CADM2: variants seen among roughly 807,000 people sequenced by gnomAD.
The protein encoded by CADM2 is immunoglobulin superfamily member 4D.
Under a neutral mutation model 49.8 loss-of-function variants are expected in CADM2, and 12 were observed. The ratio of observed to expected loss-of-function variants is 0.24; its 90% confidence interval spans 0.15 to 0.39. The LOEUF is 0.39. Among genes scored for constraint, CADM2 ranks in the 10% least tolerant of loss-of-function variants. The pLI is 1.00. For synonymous variants in CADM2, 214 were observed against 175.4 expected (o/e 1.22, Z -1.74); for missense variants, 378 against 492.3 (o/e 0.77, Z 2.20).
Position 85,731,444 on chromosome 3 carries a change from C to T in CADM2, c.88+4896C>T, listed in dbSNP as rs1311178925. Among the ~76,000 whole-genome samples, 3 of 151,912 alleles carry T rather than the reference C, an allele frequency of 2.0e-5. No homozygotes were observed. In the East Asian group the frequency reaches 5.8e-4, roughly 29 times the overall value. ...TGTGACAATTTTATTGGATAAAGCA[C>T]ACAAAAAAGGATTGACATAGGGAAT... On this transcript the variant is annotated intron_variant, in intron 2 of 9. Transcript: ENST00000383699.
chr3:85,068,241 G>A (rs1576154503), intron 1 of CADM2, among the ~76,000 whole-genome samples: 1 of 152,062 alleles, frequency 6.6e-6, no homozygotes, highest in African/African-American at 2.4e-5. Flanking sequence ...CAAAAGTATG[G>A]TAACATTCAT....
At chr3:85,846,051 C>A (rs936553168) in intron 3 of CADM2, among the ~76,000 whole-genome samples, 1 of 152,008 alleles carries the variant, frequency 6.6e-6, no homozygotes, top group African/African-American at 2.4e-5. Flanking sequence ...AAAGCACAGG[C>A]CAATCTTTTC....
intron 1 of CADM2, among the ~76,000 whole-genome samples, chr3:85,508,218 C>T (rs543704552): frequency 1.4e-4 from 21 of 152,208 alleles, no homozygotes; most frequent in Middle Eastern, 6.8e-3. Flanking sequence ...TTTTTATGAC[C>T]TACTATTTCA....
At chr3:85,870,640 A>C (rs148672784) in intron 3 of CADM2, among the ~76,000 whole-genome samples, 1 of 152,180 alleles carries the variant, frequency 6.6e-6, no homozygotes, top group Non-Finnish European at 1.5e-5. Flanking sequence ...TTCTTTATCC[A>C]TTCTACCAAT....
At chr3:85,257,708 G>C (rs946594209) in intron 1 of CADM2, among the ~76,000 whole-genome samples, 2 of 152,084 alleles carry the variant, frequency 1.3e-5, no homozygotes, top group African/African-American at 4.8e-5. Flanking sequence ...GGTACCCGTG[G>C]CTGTCTCTTC....
intron 1 of CADM2, among the ~76,000 whole-genome samples, chr3:85,126,544 A>G (rs1342696248): frequency 6.6e-6 from 1 of 152,124 alleles, no homozygotes; most frequent in Non-Finnish European, 1.5e-5. Flanking sequence ...CTTTTTAAGA[A>G]TGTTTAGCTT....
intron 3 of CADM2, among the ~76,000 whole-genome samples, chr3:85,882,150 C>T (rs1036816512): frequency 6.6e-6 from 1 of 151,162 alleles, no homozygotes; most frequent in Non-Finnish European, 1.5e-5. Flanking sequence ...AGAGACATCC[C>T]CCCGCCCCCA....
At chr3:85,413,169 A>AAAAAAAAAAT (rs2035755696) in intron 1 of CADM2, among the ~76,000 whole-genome samples, 1 of 136,266 alleles carries the variant, frequency 7.3e-6, no homozygotes, top group African/African-American at 2.6e-5. Context: ...AAAAATAATA[A>AAAAAAAAAAT]TAATAATAAT....
intron 2 of CADM2, among the ~76,000 whole-genome samples, chr3:85,738,615 A>T (rs2068246414): frequency 6.6e-6 from 1 of 152,164 alleles, no homozygotes; most frequent in South Asian, 2.1e-4. Flanking sequence ...TTCTTTTATC[A>T]CTATTTCAAT....
At chr3:85,628,133 G>T (rs558449975) in intron 1 of CADM2, among the ~76,000 whole-genome samples, 1 of 151,932 alleles carries the variant, frequency 6.6e-6, no homozygotes, top group Non-Finnish European at 1.5e-5. Flanking sequence ...ATACTGAATC[G>T]TAATGAATGA....
chr3:85,898,128 C>A (rs561904035), intron 5 of CADM2, among the ~76,000 whole-genome samples: 1 of 152,182 alleles, frequency 6.6e-6, no homozygotes, highest in African/African-American at 2.4e-5. Flanking sequence ...AAACGCAGTA[C>A]CTCAAGACTC....
chr3:85,268,521 T>C (rs892012730), intron 1 of CADM2, among the ~76,000 whole-genome samples: 19 of 151,354 alleles, frequency 1.3e-4, no homozygotes, highest in African/African-American at 4.6e-4. Context: ...ATTTTGTAAA[T>C]TGAAGATTTT....
At position 86,002,740 on chromosome 3, in the gene CADM2, T is replaced by C. The variant is rs543589683; in HGVS notation, c.970+41093T>C. 3.7e-4 allele frequency among the ~76,000 whole-genome samples: 56 copies of C among 152,276 alleles called. No homozygotes were observed. In the South Asian group the frequency reaches 0.011, roughly 31 times the overall value. On this transcript the variant is annotated intron_variant, in intron 8 of 9. Transcript: ENST00000383699. ...TTGAAAACTATTGGTTCAAAATCGG[T>C]TCATAAAAGGTATAATTTTAAATTG...
chr3:84,959,011 TGCCGCTGCCGCCACAGC>T lies in CADM2; in HGVS notation c.-596_-580del. 1 of 194,884 alleles carries T rather than the reference TGCCGCTGCCGCCACAGC, an allele frequency of 5.1e-6. No individual in the cohort carries two copies. The highest frequency in any genetic ancestry group is 1.0e-5 in the Non-Finnish European group (1 of 97,092). 12.1% of individuals were successfully genotyped at this position (194,884 alleles called of 1,614,324 possible). A position where few individuals can be genotyped will look rare whatever the true frequency, so the allele number is the denominator to read the frequency against. The stretch of plus-strand genomic sequence containing the variant: ...TTCGTAGAGCTGCCGCCGTCGCCGC[TGCCGCTGCCGCCACAGC>T]CGCCGCTGCAGCCGGAGCATCCGGG... On this transcript the variant is annotated 5_prime_UTR_variant, in exon 1 of 10. Transcript: ENST00000383699.
At chr3:85,143,230 C>T (rs1303048910) in intron 1 of CADM2, among the ~76,000 whole-genome samples, 1 of 152,130 alleles carries the variant, frequency 6.6e-6, no homozygotes, top group Non-Finnish European at 1.5e-5. Context: ...TGCCTGTAAT[C>T]TTAGCACTTT....
intron 2 of CADM2, among the ~76,000 whole-genome samples, chr3:85,798,985 A>C (rs922072300): frequency 6.6e-6 from 1 of 152,106 alleles, no homozygotes; most frequent in African/African-American, 2.4e-5. Flanking sequence ...GAGGTCCTTC[A>C]CATCCCTTGT....
intron 3 of CADM2, among the ~76,000 whole-genome samples, chr3:85,842,841 A>C (rs1346802079): frequency 6.6e-6 from 1 of 152,120 alleles, no homozygotes; most frequent in African/African-American, 2.4e-5. Flanking sequence ...AATTCATTAG[A>C]TATTAGATTC....
At chr3:85,844,378 G>A (rs1215456230) in intron 3 of CADM2, among the ~76,000 whole-genome samples, 1 of 151,862 alleles carries the variant, frequency 6.6e-6, no homozygotes, top group Admixed American at 6.6e-5. Flanking sequence ...TTTTTAAAAT[G>A]TGTTTTTAAA....
intron 1 of CADM2, among the ~76,000 whole-genome samples, chr3:85,291,992 G>A (rs1401535265): frequency 1.3e-5 from 2 of 152,004 alleles, no homozygotes; most frequent in Admixed American, 1.3e-4. Flanking sequence ...ACATAGACTG[G>A]CAAATTGGAT....
Sources: gnomAD v4.1 joint callset for allele counts (sites outside exome capture counted in the v4.1 genomes callset) on GRCh38, gnomAD v4.1.1 for gene constraint, MANE v1.5 for transcripts, NCBI Gene and HGNC (gene_info 2026-07-23, HGNC 2026-07-21) for gene names.